Variants in HCN1 observed in about 807,000 individuals in gnomAD.
HCN1 encodes the protein potassium/sodium hyperpolarization-activated cyclic nucleotide-gated channel 1.
HCN1 carries 13 observed loss-of-function variants against 78.9 expected under a neutral mutation model. The ratio of observed to expected loss-of-function variants is 0.16; its 90% CI spans 0.11 to 0.26. HCN1 has a LOEUF of 0.26. Among genes scored for constraint, HCN1 ranks in the 10% least tolerant of loss-of-function variants. HCN1 has a pLI of 1.00. For missense variants in HCN1, 810 were observed against 1,154.3 expected (o/e 0.70, Z 4.32); for synonymous variants, 552 against 455.5 (o/e 1.21, Z -2.70).
rs10601970 is a variant in HCN1, at chr5:45,567,911, TACACACACAC to T, written c.849+77264_849+77273del. Among the ~76,000 whole-genome samples the T allele has an allele frequency of 5.0e-3, 729 of 144,700 alleles. 4 individuals carry two copies. Among genetic ancestry groups the T allele is most frequent in the African/African-American group, 0.018 (690 of 39,390 alleles). The allele number at this position is 144,700 out of a possible 152,430, so 94.9% of individuals were successfully genotyped here. A position where few individuals can be genotyped will look rare whatever the true frequency, so the allele number is the denominator to read the frequency against. On this transcript the variant is annotated intron_variant, in intron 2 of 7. Transcript: ENST00000303230. ...CTCTATCTTACTTTCATATGTGAAG[TACACACACAC>T]ACACACACACACACACACACACACA...
chr5:45,623,433 T>A (rs971919649), intron 2 of HCN1, among the ~76,000 whole-genome samples: 4 of 152,192 alleles, frequency 2.6e-5, no homozygotes, highest in African/African-American at 7.2e-5. Flanking sequence ...ATAAATAGGT[T>A]ATCTAATACC....
chr5:45,346,759 T>C (rs1290567664), intron 5 of HCN1, among the ~76,000 whole-genome samples: 1 of 152,186 alleles, frequency 6.6e-6, no homozygotes, highest in Non-Finnish European at 1.5e-5. Context: ...GTCTCACTGA[T>C]TGCTAGCACA....
chr5:45,509,920 A>C (rs2111754093), intron 2 of HCN1, among the ~76,000 whole-genome samples: 1 of 152,238 alleles, frequency 6.6e-6, no homozygotes, highest in East Asian at 1.9e-4. Context: ...TCTGATCATT[A>C]ATCTAGATCC....
At chr5:45,659,150 AC>A (rs899088305) in intron 1 of HCN1, among the ~76,000 whole-genome samples, 19 of 150,364 alleles carry the variant, frequency 1.3e-4, no homozygotes, top group South Asian at 4.2e-4. Context: ...CTGACCCCTG[AC>A]CCCCGAGCAG....
chr5:45,536,608 A>C (rs909951145), intron 2 of HCN1, among the ~76,000 whole-genome samples: 2 of 152,138 alleles, frequency 1.3e-5, no homozygotes, highest in Admixed American at 1.3e-4. Context: ...AGTCCTTGAA[A>C]ATGTCACTTC....
intron 2 of HCN1, among the ~76,000 whole-genome samples, chr5:45,550,198 G>A (rs537262243): frequency 2.2e-4 from 34 of 152,104 alleles, no homozygotes; most frequent in Admixed American, 7.9e-4. Context: ...ACATGCACAC[G>A]TATGTTTATT....
Position 45,375,147 on chromosome 5 carries a change from A to G in HCN1, c.1230+21345T>C, listed in dbSNP as rs1420806594. Among the ~76,000 whole-genome samples the G allele has an allele frequency of 1.3e-4, 16 of 121,466 alleles. No individual in the cohort carries two copies. In the South Asian group the frequency reaches 3.6e-3, roughly 27 times the overall value. 79.7% of individuals were successfully genotyped at this position (121,466 alleles called of 152,430 possible). The stretch of plus-strand genomic sequence containing the variant: ...ATATATAATATATTTTATAATATAT[A>G]ATGTATTATATATAATATATTTTAT... On this transcript the variant is annotated intron_variant, in intron 4 of 7. Transcript: ENST00000303230.
intron 2 of HCN1, among the ~76,000 whole-genome samples, chr5:45,613,080 T>C (rs1744872886): frequency 6.6e-6 from 1 of 151,880 alleles, no homozygotes; most frequent in Admixed American, 6.6e-5. Context: ...TGTATACATG[T>C]GCCATGCTGG....
intron 6 of HCN1, among the ~76,000 whole-genome samples, chr5:45,297,300 TG>T (rs1382333091): frequency 6.6e-6 from 1 of 152,126 alleles, no homozygotes; most frequent in Non-Finnish European, 1.5e-5. Flanking sequence ...GTTTCCACCC[TG>T]GGCGGGCCAG....
At chr5:45,289,707 ATCT>A (rs1302317572) in intron 6 of HCN1, among the ~76,000 whole-genome samples, 1 of 152,048 alleles carries the variant, frequency 6.6e-6, no homozygotes, top group Non-Finnish European at 1.5e-5. Context: ...TGTCAAAGGA[ATCT>A]TCTTATTCTA....
At chr5:45,613,198 C>G (rs924138872) in intron 2 of HCN1, among the ~76,000 whole-genome samples, 1 of 137,830 alleles carries the variant, frequency 7.3e-6, no homozygotes, top group Admixed American at 8.1e-5. Context: ...TATTCCCCTT[C>G]CTGTGTCCAT....
intron 6 of HCN1, among the ~76,000 whole-genome samples, chr5:45,292,864 A>T (rs1745408578): frequency 6.6e-6 from 1 of 152,016 alleles, no homozygotes. Context: ...AGTGTTGTTC[A>T]CACACTGTGC....
intron 2 of HCN1, among the ~76,000 whole-genome samples, chr5:45,593,336 TCTCTCA>T (rs796791049): frequency 0.052 from 7,057 of 135,902 alleles, 212 homozygotes; most frequent in East Asian, 0.14. Flanking sequence ...TCTCTCTCTC[TCTCTCA>T]CACACACACA....
chr5:45,300,412 T>C (rs1745587731), intron 6 of HCN1, among the ~76,000 whole-genome samples: 1 of 152,016 alleles, frequency 6.6e-6, no homozygotes, highest in Non-Finnish European at 1.5e-5. Context: ...CTACTCAACA[T>C]AAAAATGATG....
At chr5:45,352,380 T>TG (rs1013648925) in intron 5 of HCN1, among the ~76,000 whole-genome samples, 1 of 109,576 alleles carries the variant, frequency 9.1e-6, no homozygotes, top group African/African-American at 3.6e-5. Context: ...TGTTGTGCAG[T>TG]GGGGGGAGGG....
At chr5:45,377,099 A>G (rs1325635711) in intron 4 of HCN1, among the ~76,000 whole-genome samples, 1 of 152,040 alleles carries the variant, frequency 6.6e-6, no homozygotes, top group Non-Finnish European at 1.5e-5. Context: ...TGGAAGTTAT[A>G]GAGATACAGG....
chr5:45,647,576 A>T (rs895446430), intron 1 of HCN1, among the ~76,000 whole-genome samples: 1 of 152,068 alleles, frequency 6.6e-6, no homozygotes, highest in Non-Finnish European at 1.5e-5. Context: ...TTAATTTGTA[A>T]CTGATGACCC....
intron 2 of HCN1, among the ~76,000 whole-genome samples, chr5:45,499,296 C>T (rs1742135955): frequency 1.3e-5 from 2 of 152,144 alleles, no homozygotes; most frequent in South Asian, 2.1e-4. Flanking sequence ...CCTGGTGCGC[C>T]GTTTTTTAAG....
At chr5:45,266,747 C>G (rs909232700) in intron 7 of HCN1, among the ~76,000 whole-genome samples, 2 of 149,798 alleles carry the variant, frequency 1.3e-5, no homozygotes, top group African/African-American at 4.9e-5. Flanking sequence ...TTCACTCTCT[C>G]TCCCAGACGG....
Sources: gnomAD v4.1 joint callset for allele counts (sites outside exome capture counted in the v4.1 genomes callset) on GRCh38, gnomAD v4.1.1 for gene constraint, MANE v1.5 for transcripts, NCBI Gene and HGNC (gene_info 2026-07-23, HGNC 2026-07-21) for gene names.